Variants in ELL observed in about 807,000 individuals in gnomAD.
ELL encodes elongation factor for RNA polymerase II, also known as RNA polymerase II elongation factor ELL.
Under a neutral mutation model 64.0 loss-of-function variants are expected in ELL, and 18 were observed. That is an observed-to-expected ratio of 0.28 (90% CI 0.19 to 0.42). The LOEUF is 0.42. ELL is among the 10% of genes least tolerant of loss of function. The probability of loss-of-function intolerance (pLI) is 1.00; values close to 1 mark genes in which losing one functional copy is unlikely to be tolerated. For missense variants in ELL, 797 were observed against 870.4 expected (o/e 0.92, Z 1.06); for synonymous variants, 399 against 376.2 (o/e 1.06, Z -0.70).
chr19:18,501,128 G>A lies in ELL; in HGVS notation c.135+20793C>T, dbSNP rs1568396240. On this transcript the variant is annotated intron_variant, in intron 1 of 11. Transcript: ENST00000262809. The surrounding 1 kb of genome is among the most constrained non-coding windows in gnomAD (Gnocchi z 4.5). The stretch of plus-strand genomic sequence containing the variant: ...ACGAGCGGGCCACGACACTGTTCTC[G>A]CCAGCTATGCCTGTGGGCAGCAAGC... Among the ~76,000 whole-genome samples the A allele has an allele frequency of 6.6e-6, 1 of 152,042 alleles. No homozygotes were observed.
intron 2 of ELL, chr19:18,470,831 T>A (rs1311353305): frequency 2.6e-6 from 1 of 387,216 alleles, no homozygotes; most frequent in African/African-American, 2.1e-5. Flanking sequence ...CAGCTCCTAC[T>A]GGAGGTCTGC....
intron 1 of ELL, among the ~76,000 whole-genome samples, chr19:18,499,379 T>G (rs539106976): frequency 6.6e-6 from 1 of 152,338 alleles, no homozygotes; most frequent in South Asian, 2.1e-4. Flanking sequence ...CTTGCAAGGC[T>G]GCTGAAACAA....
intron 1 of ELL, among the ~76,000 whole-genome samples, chr19:18,506,402 C>T (rs1414338459): frequency 6.6e-6 from 1 of 152,262 alleles, no homozygotes; most frequent in East Asian, 1.9e-4. Context: ...GGATCCAAAG[C>T]TCCTGTGCCT....
Position 18,450,563 on chromosome 19 carries a change from C to G in ELL, c.1379G>C (p.Arg460Thr). The G allele has an allele frequency of 6.2e-7, 1 of 1,612,770 alleles. No individual in the cohort carries two copies. The highest frequency in any genetic ancestry group is 8.5e-7 in the Non-Finnish European group (1 of 1,179,832). The change falls in exon 8 of 12, where the codon AGG (arginine) becomes ACG (threonine). Residue 460 changes from arginine (R) to threonine (T), a missense_variant. Physicochemically the swap from Arg to Thr is moderately conservative, Grantham distance 71 (BLOSUM62 -1). Coordinates refer to ENST00000262809, the MANE Select transcript of ELL (RefSeq NM_006532.4). ...KKSKKHKDKE[R>T]AAEDKPRAQL... ...GGCCCGGGGCTTGTCCTCAGCCGCC[C>G]TCTCCTTGTCTTTGTGCTTCTTGGA...
chr19:18,481,753 T>C (rs1037765041), intron 1 of ELL, among the ~76,000 whole-genome samples: 1 of 152,192 alleles, frequency 6.6e-6, no homozygotes. Context: ...GTGCATCCAT[T>C]TGCTGGATGA....
At chr19:18,500,645 G>A (rs1398959675) in intron 1 of ELL, among the ~76,000 whole-genome samples, 1 of 152,160 alleles carries the variant, frequency 6.6e-6, no homozygotes, top group Non-Finnish European at 1.5e-5. Flanking sequence ...GCATAACACT[G>A]GTGCCCTGCA....
chr19:18,467,470 C>T (rs1293439112), intron 2 of ELL, among the ~76,000 whole-genome samples: 1 of 151,960 alleles, frequency 6.6e-6, no homozygotes, highest in Non-Finnish European at 1.5e-5. Context: ...CCATTGTGGG[C>T]CCACCATGCC....
In ELL at chr19:18,501,446, C is replaced by T. The variant is rs1975778329; in HGVS notation, c.135+20475G>A. On this transcript the variant is annotated intron_variant, in intron 1 of 11. Transcript: ENST00000262809. This position sits in a 1 kb window ranked among gnomAD's most constrained non-coding sequence, Gnocchi z 4.5. ...AGGGGCCCACGCCTCAACAATGAGG[C>T]GGACCCTCCAACGTGCCTCACACTT... 6.6e-6 allele frequency among the ~76,000 whole-genome samples: 1 copy of T among 152,232 alleles called. No individual in the cohort carries two copies. Among genetic ancestry groups the T allele is most frequent in the Admixed American group, 6.5e-5 (1 of 15,292 alleles).
chr19:18,498,091 C>T (rs1251429816), intron 1 of ELL, among the ~76,000 whole-genome samples: 1 of 151,822 alleles, frequency 6.6e-6, no homozygotes, highest in Non-Finnish European at 1.5e-5. Context: ...TGCACCATTG[C>T]ACTCCATCCT....
chr19:18,478,950 C>G (rs1242368740), intron 1 of ELL, among the ~76,000 whole-genome samples: 1 of 152,196 alleles, frequency 6.6e-6, no homozygotes, highest in Non-Finnish European at 1.5e-5. Flanking sequence ...AGTGAGAGTC[C>G]TCAATGCTGA....
intron 2 of ELL, among the ~76,000 whole-genome samples, chr19:18,470,424 C>G (rs1975041279): frequency 1.3e-5 from 2 of 152,220 alleles, no homozygotes; most frequent in Admixed American, 6.5e-5. Flanking sequence ...CTGTAGGACA[C>G]CAGAGGGCAC....
intron 1 of ELL, among the ~76,000 whole-genome samples, chr19:18,498,260 T>C (rs905683228): frequency 2.0e-5 from 3 of 152,138 alleles, no homozygotes; most frequent in Non-Finnish European, 4.4e-5. Context: ...GAACTCTACC[T>C]TCCACTCAAC....
chr19:18,516,334 C>T (rs935919257), intron 1 of ELL, among the ~76,000 whole-genome samples: 1 of 152,166 alleles, frequency 6.6e-6, no homozygotes, highest in African/African-American at 2.4e-5. Flanking sequence ...GACAGCACAC[C>T]GGCCATGCCT....
intron 1 of ELL, among the ~76,000 whole-genome samples, chr19:18,509,790 C>T (rs1975977578): frequency 1.3e-5 from 2 of 152,148 alleles, no homozygotes; most frequent in South Asian, 4.1e-4. Flanking sequence ...AGGGCTAGGC[C>T]AAGGGCAGCA....
chr19:18,450,419 G>C (rs1974497367), intron 8 of ELL, 58 bp downstream of exon 8: 3 of 1,576,774 alleles, frequency 1.9e-6, no homozygotes, highest in Non-Finnish European at 2.6e-6. Context: ...ATGAGGGTGA[G>C]GCGGGTGTGG....
Position 18,509,582 on chromosome 19 carries a change from T to TGCGCGCGCGCGCGCGC in ELL, c.135+12338_135+12339insGCGCGCGCGCGCGCGC, listed in dbSNP as rs138250487. Among the ~76,000 whole-genome samples the TGCGCGCGCGCGCGCGC allele has an allele frequency of 1.2e-4, 11 of 95,538 alleles. No individual in the cohort carries two copies. In the East Asian group the frequency reaches 1.2e-3, roughly 10 times the overall value. The allele number at this position is 95,538 out of a possible 152,430, so 62.7% of individuals were successfully genotyped here. ...AGATGGAGACACAGGCCAATGCACG[T>TGCGCGCGCGCGCGCGC]GCGCGCGCGCGCACATACACACACA... On this transcript the variant is annotated intron_variant, in intron 1 of 11. Transcript: ENST00000262809.
At chr19:18,513,814 C>T (rs1197412298) in intron 1 of ELL, among the ~76,000 whole-genome samples, 1 of 151,914 alleles carries the variant, frequency 6.6e-6, no homozygotes, top group Non-Finnish European at 1.5e-5. Flanking sequence ...GCCTGTAGTC[C>T]CAGCTACGCA....
intron 1 of ELL, among the ~76,000 whole-genome samples, chr19:18,508,249 C>T (rs1478095557): frequency 6.6e-6 from 1 of 152,170 alleles, no homozygotes; most frequent in Non-Finnish European, 1.5e-5. Flanking sequence ...TAACAGACTG[C>T]AGTGAGCTAT....
At chr19:18,466,229 C>T (rs1974932958) in intron 2 of ELL, among the ~76,000 whole-genome samples, 1 of 152,194 alleles carries the variant, frequency 6.6e-6, no homozygotes, top group African/African-American at 2.4e-5. Flanking sequence ...GCCCCCACCC[C>T]AATCGTGTGA....
Sources: gnomAD v4.1 joint callset for allele counts (sites outside exome capture counted in the v4.1 genomes callset) on GRCh38, gnomAD v4.1.1 for gene constraint, Gnocchi (gnomAD v3.1) non-coding constraint, MANE v1.5 for transcripts, NCBI Gene and HGNC (gene_info 2026-07-23, HGNC 2026-07-21) for gene names.